PRXL2A: variants seen among roughly 807,000 people sequenced by gnomAD.
The protein encoded by PRXL2A is peroxiredoxin-like 2A.
A neutral mutation model predicts 25.6 loss-of-function variants in PRXL2A; 26 were observed. That is an observed-to-expected ratio of 1.02 (90% CI 0.74 to 1.41). The LOEUF is 1.41. PRXL2A is among the 40% of genes most tolerant of loss of function. PRXL2A has a pLI of 0.00. For synonymous variants in PRXL2A, 98 were observed against 102.9 expected (o/e 0.95, Z 0.29); for missense variants, 246 against 273.9 (o/e 0.90, Z 0.72).
At chr10:80,428,693 G>A (rs1453875011) in intron 5 of PRXL2A, among the ~76,000 whole-genome samples, 1 of 152,144 alleles carries the variant, frequency 6.6e-6, no homozygotes, top group African/African-American at 2.4e-5. Context: ...ATGAGGGAAG[G>A]GTATGGGAGA....
At chr10:80,422,640 T>A in intron 3 of PRXL2A, 132 bp downstream of exon 3, 1 of 494,766 alleles carries the variant, frequency 2.0e-6, no homozygotes, top group Non-Finnish European at 3.2e-6. Context: ...TTATTTGCTC[T>A]AGGTATTTCT....
In PRXL2A at chr10:80,422,414, T is replaced by C. The variant is rs1424791538; in HGVS notation, c.179-3T>C. The C allele has an allele frequency of 1.6e-5, 26 of 1,612,894 alleles. No homozygotes were observed. Among genetic ancestry groups the C allele is most frequent in the Middle Eastern group, 3.3e-4 (2 of 6,082 alleles). Reference sequence around the variant, plus strand: ...TATCGAATTTCTTTTTTTCCTCTCTTAGAACCAAGGACTTTCAAAGCAAAG... The same window carrying C: ...TATCGAATTTCTTTTTTTCCTCTCTCAGAACCAAGGACTTTCAAAGCAAAG... On this transcript the variant is annotated splice_region_variant and splice_polypyrimidine_tract_variant and intron_variant, in intron 2 of 5. Coordinates refer to ENST00000606162, the MANE Select transcript of PRXL2A (RefSeq NM_032333.5).
At position 80,427,496 on chromosome 10, in the gene PRXL2A, G is replaced by T; in HGVS notation, c.576G>T (p.Gln192His). The change falls in exon 5 of 6, where the codon CAG becomes CAT. Residue 192 changes from glutamine to histidine, a missense_variant and splice_region_variant. By Grantham distance (24) the Gln-to-His change is conservative (BLOSUM62 0). Coordinates refer to ENST00000606162, the MANE Select transcript of PRXL2A (RefSeq NM_032333.5). ...TTTTCGTGGTGGGATCAGGAAAGCA[G>T]GTGAGTTCTTGGTGTTTACTTGTGG... ...GGVFVVGSGK[Q>H]GILLEHREKE... The T allele has an allele frequency of 6.2e-7, 1 of 1,613,992 alleles. No homozygotes were observed. Among genetic ancestry groups the T allele is most frequent in the Non-Finnish European group, 8.5e-7 (1 of 1,179,938 alleles).
chr10:80,425,806 C>T, intron 3 of PRXL2A, 60 bp from the exon 4 acceptor site: 1 of 1,605,694 alleles, frequency 6.2e-7, no homozygotes, highest in South Asian at 1.1e-5. Context: ...ACCTGACACC[C>T]TATGTGGAGG....
rs775582952 is a variant in PRXL2A, at chr10:80,427,457, C to A, written c.537C>A (p.Phe179Leu). ...GFSGNLEGEG[F>L]ILGGVFVVGS... ...CTGGAAACCTGGAAGGAGAAGGCTT[C>A]ATCCTTGGGGGAGTTTTCGTGGTGG... Residue 179 changes from phenylalanine to leucine, a missense_variant, in exon 5 of 6, where the codon TTC (phenylalanine) becomes TTA (leucine). Coordinates refer to ENST00000606162, the MANE Select transcript of PRXL2A (RefSeq NM_032333.5). 1 of 1,614,148 alleles carries A rather than the reference C, an allele frequency of 6.2e-7. No individual in the cohort carries two copies. The highest frequency in any genetic ancestry group is 8.5e-7 in the Non-Finnish European group (1 of 1,180,016).
intron 3 of PRXL2A, among the ~76,000 whole-genome samples, chr10:80,425,205 A>G (rs1380150352): frequency 1.3e-5 from 2 of 152,216 alleles, no homozygotes; most frequent in Admixed American, 1.3e-4. Flanking sequence ...AGTTTCCCTC[A>G]TTCATCTAGC....
At chr10:80,412,982 C>T (rs1844524730) in intron 1 of PRXL2A, among the ~76,000 whole-genome samples, 1 of 152,016 alleles carries the variant, frequency 6.6e-6, no homozygotes, top group African/African-American at 2.4e-5. Flanking sequence ...AGGCTAGGGA[C>T]AGAGTTATAG....
rs1589219399 is a variant in PRXL2A, at chr10:80,436,823, C to CCGTGTTTGA, written c.*4726_*4734dup. 1.3e-5 allele frequency: 2 copies of CCGTGTTTGA among 152,252 alleles called. No individual in the cohort carries two copies. Among genetic ancestry groups the CCGTGTTTGA allele is most frequent in the South Asian group, 4.1e-4 (2 of 4,858 alleles). The allele number at this position is 152,252 out of a possible 1,614,324, so 9.4% of individuals were successfully genotyped here. On this transcript the variant is annotated 3_prime_UTR_variant, in exon 6 of 6. Transcript: ENST00000606162. ...GGTTGGAAAGAAATGATCTGACCTA[C>CCGTGTTTGA]CGTGTTTGACTGTCGTAAGATACCC...
At chr10:80,427,990 T>C (rs771325365) in intron 5 of PRXL2A, among the ~76,000 whole-genome samples, 15 of 152,056 alleles carry the variant, frequency 9.9e-5, no homozygotes, top group Non-Finnish European at 2.1e-4. Flanking sequence ...CAGGCCACCA[T>C]GGATGGATGA....
chr10:80,427,559 C>T, intron 5 of PRXL2A, 63 bp downstream of exon 5: 2 of 1,555,740 alleles, frequency 1.3e-6, no homozygotes, highest in East Asian at 4.5e-5. Context: ...GAGACTCCAA[C>T]CAGAAGCTGG....
At position 80,430,796 on chromosome 10, in the gene PRXL2A, C is replaced by T. The variant is rs115538097; in HGVS notation, c.577-1190C>T. Among the ~76,000 whole-genome samples, 336 of 152,288 alleles carry T rather than the reference C, an allele frequency of 2.2e-3. 1 individual carries two copies. Among genetic ancestry groups the T allele is most frequent in the African/African-American group, 7.8e-3 (323 of 41,558 alleles). On this transcript the variant is annotated intron_variant, in intron 5 of 5. Coordinates refer to ENST00000606162, the MANE Select transcript of PRXL2A (RefSeq NM_032333.5). The stretch of plus-strand genomic sequence containing the variant: ...GCCTTTCCTTTTGTTTTGCTTTGCT[C>T]TAGAAAATTGTACTAGATGTTCTTT...
At chr10:80,422,636 G>T in intron 3 of PRXL2A, 128 bp downstream of exon 3, 6 of 571,332 alleles carry the variant, frequency 1.1e-5, no homozygotes, top group South Asian at 2.7e-5. Flanking sequence ...TCTGTTATTT[G>T]CTCTAGGTAT....
intron 3 of PRXL2A, among the ~76,000 whole-genome samples, chr10:80,425,298 G>C (rs1462657272): frequency 6.6e-6 from 1 of 152,070 alleles, no homozygotes; most frequent in Non-Finnish European, 1.5e-5. Flanking sequence ...CTTTCCACCT[G>C]GTATTTAGCA....
chr10:80,424,793 G>T (rs548457033), intron 3 of PRXL2A, among the ~76,000 whole-genome samples: 1 of 152,212 alleles, frequency 6.6e-6, no homozygotes, highest in Non-Finnish European at 1.5e-5. Flanking sequence ...CCCAGGAGGT[G>T]TAGGTTGCAT....
chr10:80,410,975 A>G (rs909604874), intron 1 of PRXL2A, among the ~76,000 whole-genome samples: 2 of 152,216 alleles, frequency 1.3e-5, no homozygotes, highest in Non-Finnish European at 1.5e-5. Flanking sequence ...GCATCTATTC[A>G]GAGGTTTCTG....
At chr10:80,418,447 A>G (rs1350414741) in intron 1 of PRXL2A, among the ~76,000 whole-genome samples, 1 of 151,258 alleles carries the variant, frequency 6.6e-6, no homozygotes, top group Non-Finnish European at 1.5e-5. Flanking sequence ...GTCACCACCA[A>G]CTCACTCCCA....
In PRXL2A at chr10:80,432,341, G is replaced by A; in HGVS notation, c.*242G>A. 2.4e-6 allele frequency: 1 copy of A among 420,790 alleles called. No homozygotes were observed. The highest frequency in any genetic ancestry group is 3.6e-5 in the South Asian group (1 of 27,542). The allele number at this position is 420,790 out of a possible 1,614,324, so 26.1% of individuals were successfully genotyped here. A position where few individuals can be genotyped will look rare whatever the true frequency, so the allele number is the denominator to read the frequency against. On this transcript the variant is annotated 3_prime_UTR_variant, in exon 6 of 6. Coordinates refer to ENST00000606162, the MANE Select transcript of PRXL2A (RefSeq NM_032333.5). ...TAAGCTAAAACCTGGGAAATAGGAG[G>A]CTTAAAATTGACTGCCAGGCTGGGT...
rs1325242614 is a variant in PRXL2A, at chr10:80,434,670, G to C, written c.*2571G>C. On this transcript the variant is annotated 3_prime_UTR_variant, in exon 6 of 6. Transcript: ENST00000606162. Reference sequence around the variant, plus strand: ...CTAGGGAAGTGCAAAATTACAAAAAGCTGGTAAGGAGATTGGTCAATGTGA... The same window carrying C: ...CTAGGGAAGTGCAAAATTACAAAAACCTGGTAAGGAGATTGGTCAATGTGA... The C allele has an allele frequency of 1.3e-5, 2 of 152,114 alleles. No homozygotes were observed. The highest frequency in any genetic ancestry group is 2.9e-5 in the Non-Finnish European group (2 of 68,018). The allele number at this position is 152,114 out of a possible 1,614,324, so 9.4% of individuals were successfully genotyped here.
intron 5 of PRXL2A, among the ~76,000 whole-genome samples, chr10:80,429,586 T>TCCC: frequency 3.0e-5 from 2 of 67,702 alleles, no homozygotes; most frequent in Non-Finnish European, 2.8e-5. Context: ...GCCCCTAGCC[T>TCCC]CTCCTGCCCT....
Sources: allele counts gnomAD v4.1 joint callset (sites outside exome capture counted in the v4.1 genomes callset), GRCh38; gene constraint gnomAD v4.1.1; transcripts MANE v1.5; gene names NCBI Gene and HGNC (gene_info 2026-07-23, HGNC 2026-07-21).